The following SIX2 variants were observed in gnomAD, a reference collection of about 807,000 sequenced individuals.
The protein encoded by SIX2 is SIX homeobox 2.
SIX2 carries 20 observed loss-of-function variants against 22.8 expected under a neutral mutation model. The observed-to-expected ratio is 0.88, with a 90% CI of 0.62 to 1.28. SIX2 has a LOEUF of 1.28. Ranked by LOEUF, SIX2 falls within the 50% of genes most tolerant of loss-of-function variation. SIX2 has a pLI of 0.00. For synonymous variants in SIX2, 195 were observed against 186.4 expected (o/e 1.05, Z -0.37); for missense variants, 360 against 400.0 (o/e 0.90, Z 0.85).
In SIX2 at chr2:45,009,223, C is replaced by T. The variant is rs1254573956; in HGVS notation, c.-113G>A. 2 of 891,446 alleles carry T rather than the reference C, an allele frequency of 2.2e-6. No homozygotes were observed. The highest frequency in any genetic ancestry group is 4.0e-5 in the East Asian group (1 of 24,722). 55.2% of individuals were successfully genotyped at this position (891,446 alleles called of 1,614,324 possible). ...CCGAGACGCGGGCGGGGCTGGCCCC[C>T]TGGCCCGGCACTGGCCCCCGGTGAG... On this transcript the variant is annotated 5_prime_UTR_variant, in exon 1 of 2. Coordinates refer to ENST00000303077, the MANE Select transcript of SIX2 (RefSeq NM_016932.5).
chr2:45,008,874 G>A lies in SIX2; in HGVS notation c.237C>T (p.Asn79=), dbSNP rs1667818780. ...GCCACAGCTGCTGCAGCTTGGCGTG[G>A]TTGTGCGGCGAGAACTGGTGGCTCT... ...ILESHQFSPH[N]HAKLQQLWLK... The change falls in exon 1 of 2, where the codon AAC becomes AAT. Residue 79 remains asparagine (N), a synonymous_variant. Transcript: ENST00000303077. 1 of 1,614,022 alleles carries A rather than the reference G, an allele frequency of 6.2e-7. No individual in the cohort carries two copies. Among genetic ancestry groups the A allele is most frequent in the African/African-American group, 1.3e-5 (1 of 75,060 alleles).
rs749314865 is a variant in SIX2 at position 45,006,446 on chromosome 2, C to T, written c.600G>A (p.Pro200=). 67 of 1,613,912 alleles carry T rather than the reference C, an allele frequency of 4.2e-5. No homozygotes were observed. The highest frequency in any genetic ancestry group is 5.0e-5 in the Non-Finnish European group (59 of 1,180,028). The change falls in exon 2 of 2, where the codon CCG becomes CCA. Residue 200 remains proline (P), a synonymous_variant. Transcript: ENST00000303077. The surrounding 1 kb of genome is among the most constrained non-coding windows in gnomAD (Gnocchi z 4.2). ...NENSNSNSHN[P]LNGSGKSVLG... The stretch of plus-strand genomic sequence containing the variant: ...ACACCGACTTGCCGCTGCCATTCAG[C>T]GGGTTGTGGCTGTTAGAATTGGAGT...
chr2:45,006,498 G>T lies in SIX2; in HGVS notation c.561-13C>A. ...CTCGTTGTTCTCCCTGCAAGTGCGGGAGCAAAGCAGCGGGGTCAGCAGGGA... is the reference window on the plus strand; with the variant it reads ...CTCGTTGTTCTCCCTGCAAGTGCGGTAGCAAAGCAGCGGGGTCAGCAGGGA... On this transcript the variant is annotated splice_polypyrimidine_tract_variant and intron_variant, in intron 1 of 1. Transcript: ENST00000303077. The surrounding 1 kb of genome is among the most constrained non-coding windows in gnomAD (Gnocchi z 4.2). The T allele has an allele frequency of 6.2e-7, 1 of 1,611,292 alleles. No homozygotes were observed.
chr2:45,007,159 CAGCTCGG>C (rs1170206960), intron 1 of SIX2, among the ~76,000 whole-genome samples: 1 of 152,180 alleles, frequency 6.6e-6, no homozygotes, highest in Non-Finnish European at 1.5e-5. Context: ...GTGAAAACGT[CAGCTCGG>C]AGACCAGAAG....
At chr2:45,007,316 G>A (rs1667785487) in intron 1 of SIX2, among the ~76,000 whole-genome samples, 1 of 152,198 alleles carries the variant, frequency 6.6e-6, no homozygotes, top group African/African-American at 2.4e-5. Context: ...GCCGGTTTGG[G>A]TGGAGGGGGA....
Position 45,008,978 on chromosome 2 carries a change from T to C in SIX2, c.133A>G (p.Lys45Glu), listed in dbSNP as rs762656667. The C allele has an allele frequency of 6.2e-7, 1 of 1,613,450 alleles. No homozygotes were observed. Among genetic ancestry groups the C allele is most frequent in the East Asian group, 2.2e-5 (1 of 44,866 alleles). The change falls in exon 1 of 2, where the codon AAG becomes GAG. Residue 45 changes from lysine to glutamate, a missense_variant. This residue lies in a region of SIX2 where 118 missense variants were observed against 135.1 expected (regional missense o/e 0.87). Coordinates refer to ENST00000303077, the MANE Select transcript of SIX2 (RefSeq NM_016932.5). The stretch of plus-strand genomic sequence containing the variant: ...TTGGCCTTGAGCACGCTTTCATTCT[T>C]GTGAAGGTGCTCGCAGGCGGGCAGC... ...WSLPACEHLHKNESVLKAKAV... is the reference protein window; with the variant it reads ...WSLPACEHLHENESVLKAKAV...
chr2:45,008,453 G>A, intron 1 of SIX2, 98 bp downstream of exon 1: 3 of 1,327,126 alleles, frequency 2.3e-6, no homozygotes, highest in Non-Finnish European at 3.2e-6. Context: ...GGGCCTGGGG[G>A]CCCAGTTTAG....
Position 45,009,150 on chromosome 2 carries a change from C to G in SIX2, c.-40G>C, listed in dbSNP as rs1003996649. ...CCCCGCCCGCCCGCGCGCGCCCTCA[C>G]CGGGCCGCGCGGTCCCGCATGGGAG... On this transcript the variant is annotated 5_prime_UTR_variant, in exon 1 of 2. Coordinates refer to ENST00000303077, the MANE Select transcript of SIX2 (RefSeq NM_016932.5). 4 of 1,484,886 alleles carry G rather than the reference C, an allele frequency of 2.7e-6. No individual in the cohort carries two copies. Among genetic ancestry groups the G allele is most frequent in the Non-Finnish European group, 2.7e-6 (3 of 1,126,890 alleles). 92.0% of individuals were successfully genotyped at this position (1,484,886 alleles called of 1,614,324 possible).
rs377167020 is a variant in SIX2 at position 45,006,496 on chromosome 2, G to A, written c.561-11C>T. The A allele has an allele frequency of 9.5e-5, 153 of 1,611,774 alleles. No individual in the cohort carries two copies. Among genetic ancestry groups the A allele is most frequent in the African/African-American group, 1.2e-4 (9 of 74,914 alleles). The stretch of plus-strand genomic sequence containing the variant: ...TTCTCGTTGTTCTCCCTGCAAGTGC[G>A]GGAGCAAAGCAGCGGGGTCAGCAGG... On this transcript the variant is annotated splice_polypyrimidine_tract_variant and intron_variant, in intron 1 of 1. Transcript: ENST00000303077. This position sits in a 1 kb window ranked among gnomAD's most constrained non-coding sequence, Gnocchi z 4.2.
Position 45,006,142 on chromosome 2 carries a change from A to G in SIX2, c.*28T>C. Reference sequence around the variant, plus strand: ...CCACGTCCCCAGTGTCAAGTCACAAAAGGCAAGCTCATCAAGGCAAATGGG... The same window carrying G: ...CCACGTCCCCAGTGTCAAGTCACAAGAGGCAAGCTCATCAAGGCAAATGGG... On this transcript the variant is annotated 3_prime_UTR_variant, in exon 2 of 2. Transcript: ENST00000303077. This position sits in a 1 kb window ranked among gnomAD's most constrained non-coding sequence, Gnocchi z 4.2. 1 of 1,613,278 alleles carries G rather than the reference A, an allele frequency of 6.2e-7. No homozygotes were observed. Among genetic ancestry groups the G allele is most frequent in the Non-Finnish European group, 8.5e-7 (1 of 1,179,172 alleles).
chr2:45,008,835 G>A lies in SIX2; in HGVS notation c.276C>T (p.Tyr92=). 6.2e-7 allele frequency: 1 copy of A among 1,613,948 alleles called. No homozygotes were observed. ...KLQQLWLKAH[Y]IEAEKLRGRP... ...GGCCGCGCAGCTTCTCCGCCTCGATGTAGTGTGCCTTGAGCCACAGCTGCT... is the reference window on the plus strand; with the variant it reads ...GGCCGCGCAGCTTCTCCGCCTCGATATAGTGTGCCTTGAGCCACAGCTGCT... The change falls in exon 1 of 2, where the codon TAC becomes TAT. Residue 92 remains tyrosine, a synonymous_variant. Coordinates refer to ENST00000303077, the MANE Select transcript of SIX2 (RefSeq NM_016932.5).
Position 45,009,004 on chromosome 2 carries a change from G to A in SIX2, c.107C>T (p.Ser36Leu). Residue 36 changes from serine to leucine, a missense_variant, in exon 1 of 2, where the codon TCG (serine) becomes TTG (leucine). This residue lies in a region of SIX2 where 118 missense variants were observed against 135.1 expected (regional missense o/e 0.87). Transcript: ENST00000303077. ...GTGAAGGTGCTCGCAGGCGGGCAGC[G>A]ACCACAGGAAGCGGCCCAGCCGCTC... Reference protein sequence around the residue: ...NIERLGRFLWSLPACEHLHKN... With the variant: ...NIERLGRFLWLLPACEHLHKN... The A allele has an allele frequency of 6.2e-7, 1 of 1,611,938 alleles. No homozygotes were observed. Among genetic ancestry groups the A allele is most frequent in the South Asian group, 1.1e-5 (1 of 91,046 alleles).
In SIX2 at chr2:45,009,055, T is replaced by G; in HGVS notation, c.56A>C (p.Glu19Ala). ...GATGTTGCCGCCCTGCTGCAGCACC[T>G]CGCACACGCACGCCACTTGCTCCTG... is the stretch of plus-strand genomic sequence containing the variant. ...FTQEQVACVCEVLQQGGNIER... is the reference protein window; with the variant it reads ...FTQEQVACVCAVLQQGGNIER... Residue 19 changes from glutamate (E) to alanine (A), a missense_variant, in exon 1 of 2, where the codon GAG (glutamate) becomes GCG (alanine). By Grantham distance (107) the Glu-to-Ala change is moderately radical. Around this residue, in one of 3 missense-constraint regions of SIX2, gnomAD observed 118 missense variants for 135.1 expected, o/e 0.87. Transcript: ENST00000303077. The G allele has an allele frequency of 6.2e-7, 1 of 1,604,812 alleles. No homozygotes were observed. Among genetic ancestry groups the G allele is most frequent in the Non-Finnish European group, 8.5e-7 (1 of 1,178,612 alleles).
rs1391601854 is a variant in SIX2, at chr2:45,006,535, C to T, written c.561-50G>A. The T allele has an allele frequency of 6.4e-7, 1 of 1,553,520 alleles. No homozygotes were observed. The highest frequency in any genetic ancestry group is 8.8e-7 in the Non-Finnish European group (1 of 1,133,668). On this transcript the variant is annotated intron_variant, in intron 1 of 1. Transcript: ENST00000303077. The surrounding 1 kb of genome is among the most constrained non-coding windows in gnomAD (Gnocchi z 4.2). ...GGGGTCAGCAGGGACATCGAGACCA[C>T]CCAGCGCCATCTCAGTCACAGTCAG...
rs1667756287 is a variant in SIX2 at position 45,006,272 on chromosome 2, C to CGGCACT, written c.768_773dup (p.Val259_Pro260dup). 1 of 1,614,180 alleles carries CGGCACT rather than the reference C, an allele frequency of 6.2e-7. No individual in the cohort carries two copies. Among genetic ancestry groups the CGGCACT allele is most frequent in the African/African-American group, 1.3e-5 (1 of 75,068 alleles). On this transcript the variant is annotated inframe_insertion, in exon 2 of 2. Coordinates refer to ENST00000303077, the MANE Select transcript of SIX2 (RefSeq NM_016932.5). This position sits in a 1 kb window ranked among gnomAD's most constrained non-coding sequence, Gnocchi z 4.2. ...GGTCCGCTCCACCTCCGCCTGGCACCGGCACTGGCACTGCGCTGGGGCCCG... is the reference window on the plus strand; with the variant it reads ...GGTCCGCTCCACCTCCGCCTGGCACCGGCACTGGCACTGGCACTGCGCTGGGGCCCG...
Position 45,005,693 on chromosome 2 carries a change from AAG to A in SIX2, c.*475_*476del, listed in dbSNP as rs1013543149. 6.5e-5 allele frequency: 18 copies of A among 278,408 alleles called. No individual in the cohort carries two copies. Among genetic ancestry groups the A allele is most frequent in the Admixed American group, 2.9e-4 (6 of 20,398 alleles). 17.2% of individuals were successfully genotyped at this position (278,408 alleles called of 1,614,324 possible). A position where few individuals can be genotyped will look rare whatever the true frequency, so the allele number is the denominator to read the frequency against. On this transcript the variant is annotated 3_prime_UTR_variant, in exon 2 of 2. Transcript: ENST00000303077. ...AGAGTACAAGAGACTGGCAGGAGAGAAGAGAGGAGAAACAGAGAAGGAGAGAG... is the reference window on the plus strand; with the variant it reads ...AGAGTACAAGAGACTGGCAGGAGAGAAGAGGAGAAACAGAGAAGGAGAGAG...
Position 45,005,815 on chromosome 2 carries a change from A to G in SIX2, c.*355T>C. 1 of 393,404 alleles carries G rather than the reference A, an allele frequency of 2.5e-6. No individual in the cohort carries two copies. Among genetic ancestry groups the G allele is most frequent in the Non-Finnish European group, 4.8e-6 (1 of 210,314 alleles). The allele number at this position is 393,404 out of a possible 1,614,324, so 24.4% of individuals were successfully genotyped here. A position where few individuals can be genotyped will look rare whatever the true frequency, so the allele number is the denominator to read the frequency against. ...GAGGGAGAAAGACAGAAAGCAGAAA[A>G]AAGAAAAGAGAAGGAAGGGAAAGGA... On this transcript the variant is annotated 3_prime_UTR_variant, in exon 2 of 2. Transcript: ENST00000303077.
rs1402835353 is a variant in SIX2 at position 45,006,046 on chromosome 2, C to T, written c.*124G>A. The T allele has an allele frequency of 9.7e-7, 1 of 1,031,260 alleles. No individual in the cohort carries two copies. The highest frequency in any genetic ancestry group is 2.4e-5 in the East Asian group (1 of 42,146). The allele number at this position is 1,031,260 out of a possible 1,614,324, so 63.9% of individuals were successfully genotyped here. ...CTATCTGCCCTACCCGGCTGTTCTA[C>T]CCGCTCAGCCTGCGGGTCTTTCAGT... On this transcript the variant is annotated 3_prime_UTR_variant, in exon 2 of 2. Transcript: ENST00000303077. The surrounding 1 kb of genome is among the most constrained non-coding windows in gnomAD (Gnocchi z 4.2).
At chr2:45,008,444 G>A in intron 1 of SIX2, 107 bp downstream of exon 1, 8 of 1,232,858 alleles carry the variant, frequency 6.5e-6, no homozygotes, top group Non-Finnish European at 8.2e-6. Context: ...GCTGTGGCCG[G>A]GCCTGGGGGC....
Sources: gnomAD v4.1 joint callset for allele counts (sites outside exome capture counted in the v4.1 genomes callset) on GRCh38, gnomAD v4.1.1 for gene constraint, gnomAD v4.1.1 regional missense constraint, Gnocchi (gnomAD v3.1) non-coding constraint, MANE v1.5 for transcripts, NCBI Gene and HGNC (gene_info 2026-07-23, HGNC 2026-07-21) for gene names.